Variants in COPZ1 observed in about 807,000 individuals in gnomAD.
The protein encoded by COPZ1 is coat protein complex I subunit zeta 1.
Under a neutral mutation model 31.7 loss-of-function variants are expected in COPZ1, and 4 were observed. The observed-to-expected ratio is 0.13, with a 90% CI of 0.06 to 0.29. The LOEUF is 0.29. Among genes scored for constraint, COPZ1 ranks in the 10% least tolerant of loss-of-function variants. COPZ1 has a pLI of 1.00. For synonymous variants in COPZ1, 74 were observed against 79.0 expected (o/e 0.94, Z 0.33); for missense variants, 156 against 211.5 (o/e 0.74, Z 1.63).
chr12:54,343,598 A>T (rs1157930256), intron 4 of COPZ1, among the ~76,000 whole-genome samples: 1 of 152,218 alleles, frequency 6.6e-6, no homozygotes, highest in Non-Finnish European at 1.5e-5. Flanking sequence ...TTTCTGAGGT[A>T]TGGTCAAGAC....
Position 54,345,530 on chromosome 12 carries a change from C to CT in COPZ1, c.317+23dup, listed in dbSNP as rs749541443. The CT allele has an allele frequency of 2.3e-5, 37 of 1,598,464 alleles. No homozygotes were observed. The highest frequency in any genetic ancestry group is 2.7e-5 in the Non-Finnish European group (31 of 1,166,504). On this transcript the variant is annotated intron_variant, in intron 5 of 8. Coordinates refer to ENST00000262061, the MANE Select transcript of COPZ1 (RefSeq NM_016057.3). ...CAGATGCTGAGGTGAGCAGGACATT[C>CT]TTTTTTTTCCCCTCAAGTTATGATG... is the stretch of plus-strand genomic sequence containing the variant.
intron 4 of COPZ1, 74 bp from the exon 5 acceptor site, chr12:54,345,386 A>T (rs1421097724): frequency 1.9e-6 from 2 of 1,070,330 alleles, no homozygotes; most frequent in African/African-American, 1.6e-5. Context: ...TTAATGAATT[A>T]GGAGGTTTTG....
intron 1 of COPZ1, among the ~76,000 whole-genome samples, chr12:54,329,477 G>A (rs966137868): frequency 6.6e-6 from 1 of 152,026 alleles, no homozygotes; most frequent in Non-Finnish European, 1.5e-5. Flanking sequence ...CCAGCTACAC[G>A]GGAGACTGAG....
intron 1 of COPZ1, among the ~76,000 whole-genome samples, chr12:54,326,025 T>C (rs1176533003): frequency 6.6e-6 from 1 of 151,240 alleles, no homozygotes; most frequent in Non-Finnish European, 1.5e-5. Context: ...TTCACCATGT[T>C]GGCCAGGCTG....
At chr12:54,342,093 T>G in intron 2 of COPZ1, 113 bp from the exon 3 acceptor site, 1 of 740,480 alleles carries the variant, frequency 1.4e-6, no homozygotes, top group African/African-American at 1.7e-5. Context: ...TATTTCTCCC[T>G]TGCCCCATGC....
intron 2 of COPZ1, among the ~76,000 whole-genome samples, chr12:54,340,860 C>T (rs868571806): frequency 7.2e-5 from 11 of 151,998 alleles, no homozygotes; most frequent in African/African-American, 1.7e-4. Flanking sequence ...CTACCACCCC[C>T]GGCTAATTTT....
intron 1 of COPZ1, among the ~76,000 whole-genome samples, chr12:54,339,065 G>A (rs1391559562): frequency 1.3e-5 from 2 of 151,994 alleles, no homozygotes; most frequent in Non-Finnish European, 2.9e-5. Context: ...ATAAGGCCAG[G>A]AAAGAGGTAG....
rs10522684 is a variant in COPZ1, at chr12:54,339,980, C to CGTGTGTGT, written c.19-534_19-527dup. Among the ~76,000 whole-genome samples, 491 of 142,152 alleles carry CGTGTGTGT rather than the reference C, an allele frequency of 3.5e-3. 2 individuals are homozygous for CGTGTGTGT. The highest frequency in any genetic ancestry group is 0.011 in the African/African-American group (429 of 38,774). The allele number at this position is 142,152 out of a possible 152,430, so 93.3% of individuals were successfully genotyped here. The stretch of plus-strand genomic sequence containing the variant: ...TGCATTGAGAACTGGTGTGCCTGTG[C>CGTGTGTGT]GTGTGTGTGTGTGTGTGTGTGTGTG... On this transcript the variant is annotated intron_variant, in intron 1 of 8. Transcript: ENST00000262061.
At chr12:54,340,338 C>A in intron 1 of COPZ1, 1 of 718,814 alleles carries the variant, frequency 1.4e-6, no homozygotes, top group East Asian at 3.0e-5. Context: ...CTTTGGAATC[C>A]TTTGTTTAAA....
intron 1 of COPZ1, among the ~76,000 whole-genome samples, chr12:54,330,732 A>G (rs1166096527): frequency 6.6e-6 from 1 of 152,214 alleles, no homozygotes; most frequent in Non-Finnish European, 1.5e-5. Flanking sequence ...TACTCCATTG[A>G]CATGGCTTGA....
At position 54,347,749 on chromosome 12, in the gene COPZ1, C is replaced by T. The variant is rs756800462; in HGVS notation, c.318-18C>T. On this transcript the variant is annotated intron_variant, in intron 5 of 8. Transcript: ENST00000262061. ...ACATACAAGTTGGTTATTCTCTTCTCTTCTCTTGGGGACTCAGGAAAAATG... is the reference window on the plus strand; with the variant it reads ...ACATACAAGTTGGTTATTCTCTTCTTTTCTCTTGGGGACTCAGGAAAAATG... The T allele has an allele frequency of 6.8e-6, 11 of 1,607,464 alleles. 1 individual carries two copies. The South Asian group carries it at 1.0e-4, about 15-fold the overall frequency.
At chr12:54,325,360 A>G in intron 1 of COPZ1, 179 bp downstream of exon 1, 1 of 818,390 alleles carries the variant, frequency 1.2e-6, no homozygotes. Flanking sequence ...GGTTTAGAGT[A>G]GGAAGCCCTG....
chr12:54,350,458 C>T lies in COPZ1; in HGVS notation c.487-18C>T. ...CCCTGTCAGCAAGCTTTCCTCAATGCTGCTCTTATCTCTGCAGGTGCTGCA... is the reference window on the plus strand; with the variant it reads ...CCCTGTCAGCAAGCTTTCCTCAATGTTGCTCTTATCTCTGCAGGTGCTGCA... On this transcript the variant is annotated intron_variant, in intron 8 of 8. Transcript: ENST00000262061. The T allele has an allele frequency of 6.2e-7, 1 of 1,613,008 alleles. No homozygotes were observed. The highest frequency in any genetic ancestry group is 8.5e-7 in the Non-Finnish European group (1 of 1,179,002).
chr12:54,346,857 A>AAAAAC (rs1051085612), intron 5 of COPZ1, among the ~76,000 whole-genome samples: 1 of 152,134 alleles, frequency 6.6e-6, no homozygotes, highest in Admixed American at 6.5e-5. Flanking sequence ...CCCTGTCTCA[A>AAAAAC]AAAACAAAAC....
At chr12:54,331,966 T>C (rs1158711116) in intron 1 of COPZ1, among the ~76,000 whole-genome samples, 1 of 152,184 alleles carries the variant, frequency 6.6e-6, no homozygotes, top group Non-Finnish European at 1.5e-5. Context: ...TTGTCCCTCA[T>C]TTCTGTGATT....
intron 1 of COPZ1, among the ~76,000 whole-genome samples, chr12:54,332,838 A>G (rs533367711): frequency 2.4e-4 from 37 of 151,824 alleles, no homozygotes; most frequent in Non-Finnish European, 4.7e-4. Flanking sequence ...TTATTAATTT[A>G]TGAAGGCCAC....
intron 1 of COPZ1, among the ~76,000 whole-genome samples, chr12:54,340,134 C>G (rs766801418): frequency 3.3e-5 from 5 of 152,048 alleles, no homozygotes; most frequent in African/African-American, 4.8e-5. Flanking sequence ...CTAGGACATT[C>G]AACCCTATTT....
intron 1 of COPZ1, among the ~76,000 whole-genome samples, chr12:54,335,115 A>C (rs969298339): frequency 5.9e-5 from 9 of 151,522 alleles, no homozygotes; most frequent in African/African-American, 2.2e-4. Flanking sequence ...CGGAGGTTGC[A>C]GTGAGCCAAG....
chr12:54,333,704 A>G (rs1953801144), intron 1 of COPZ1, among the ~76,000 whole-genome samples: 1 of 152,064 alleles, frequency 6.6e-6, no homozygotes, highest in Non-Finnish European at 1.5e-5. Flanking sequence ...GAGTTTAGAG[A>G]CATTTTCTCC....
Sources: gnomAD v4.1 joint callset for allele counts (sites outside exome capture counted in the v4.1 genomes callset) on GRCh38, gnomAD v4.1.1 for gene constraint, MANE v1.5 for transcripts, NCBI Gene and HGNC (gene_info 2026-07-23, HGNC 2026-07-21) for gene names.